RYR3: variants seen among roughly 807,000 people sequenced by gnomAD.
RYR3 encodes ryanodine receptor 3.
RYR3 carries 207 observed loss-of-function variants against 584.3 expected under a neutral mutation model. The ratio of observed to expected loss-of-function variants is 0.35; its 90% CI spans 0.32 to 0.40. The LOEUF is 0.40. Among genes scored for constraint, RYR3 ranks in the 10% least tolerant of loss-of-function variants. The pLI is 1.00. For synonymous variants in RYR3, 2,416 were observed against 2,248.5 expected, an observed-to-expected ratio of 1.07 and a Z score of -2.11; for missense variants, 5,616 against 6,089.2, an observed-to-expected ratio of 0.92 and a Z score of 2.59.
chr15:33,471,429 G>A (rs1056161615), intron 1 of RYR3, among the ~76,000 whole-genome samples: 1 of 152,054 alleles, frequency 6.6e-6, no homozygotes, highest in African/African-American at 2.4e-5. Flanking sequence ...ATAGGATGGG[G>A]AAATTTCAGA....
At chr15:33,673,910 T>C (rs2063998739) in intron 38 of RYR3, among the ~76,000 whole-genome samples, 1 of 152,148 alleles carries the variant, frequency 6.6e-6, no homozygotes. Flanking sequence ...CATGGCTGAG[T>C]CTTTCTGAAG....
intron 46 of RYR3, among the ~76,000 whole-genome samples, chr15:33,728,241 C>T (rs1371405010): frequency 2.6e-5 from 4 of 152,150 alleles, no homozygotes; most frequent in Non-Finnish European, 5.9e-5. Context: ...AATGTAATGT[C>T]ACTGAACACA....
intron 80 of RYR3, among the ~76,000 whole-genome samples, chr15:33,822,252 G>A (rs890322898): frequency 6.6e-6 from 1 of 152,136 alleles, no homozygotes; most frequent in African/African-American, 2.4e-5. Flanking sequence ...GGAACATACC[G>A]GTGTTTCTCA....
intron 1 of RYR3, among the ~76,000 whole-genome samples, chr15:33,324,910 T>C (rs1595717277): frequency 6.6e-6 from 1 of 152,208 alleles, no homozygotes. Context: ...CAGTGGCTTA[T>C]AGGATGCCAG....
At chr15:33,539,830 A>G (rs1193305295) in intron 6 of RYR3, among the ~76,000 whole-genome samples, 4 of 152,174 alleles carry the variant, frequency 2.6e-5, no homozygotes, top group African/African-American at 4.8e-5. Flanking sequence ...AAGAGAAAGT[A>G]TATATACTGT....
At chr15:33,511,210 C>CT (rs1214588613) in intron 3 of RYR3, among the ~76,000 whole-genome samples, 4 of 150,944 alleles carry the variant, frequency 2.6e-5, no homozygotes, top group Non-Finnish European at 4.4e-5. Flanking sequence ...TTGTTGATGA[C>CT]ATCAGCACTG....
At chr15:33,568,438 C>G (rs942226224) in intron 12 of RYR3, among the ~76,000 whole-genome samples, 2 of 151,964 alleles carry the variant, frequency 1.3e-5, no homozygotes, top group East Asian at 1.9e-4. Flanking sequence ...CAAAATTCAT[C>G]CTTTTAAATG....
At chr15:33,566,556 A>T in intron 11 of RYR3, 122 bp from the exon 12 acceptor site, 1 of 1,057,030 alleles carries the variant, frequency 9.5e-7, no homozygotes, top group East Asian at 2.4e-5. Context: ...CTCAAAATGG[A>T]CCCAAGAGAG....
intron 35 of RYR3, 82 bp downstream of exon 35, chr15:33,663,030 A>AT: frequency 7.7e-7 from 1 of 1,295,608 alleles, no homozygotes. Flanking sequence ...TGAGGATTAA[A>AT]GGAGGTAAGG....
intron 61 of RYR3, 103 bp from the exon 62 acceptor site, chr15:33,769,009 A>G (rs1273679178): frequency 1.2e-6 from 1 of 860,036 alleles, no homozygotes; most frequent in South Asian, 1.4e-5. Flanking sequence ...ATGTGTTGGT[A>G]GTTAATTACG....
intron 1 of RYR3, among the ~76,000 whole-genome samples, chr15:33,325,556 A>G (rs972813412): frequency 4.0e-5 from 6 of 151,858 alleles, no homozygotes; most frequent in African/African-American, 1.5e-4. Flanking sequence ...GCCTTCTGAT[A>G]TTTCTCCTTT....
chr15:33,518,269 A>C (rs945105106), intron 3 of RYR3, among the ~76,000 whole-genome samples: 1 of 152,220 alleles, frequency 6.6e-6, no homozygotes, highest in African/African-American at 2.4e-5. Flanking sequence ...CAGCAGCAAC[A>C]TTCTTTTCGG....
chr15:33,440,050 G>A (rs866242248), intron 1 of RYR3, among the ~76,000 whole-genome samples: 1 of 152,294 alleles, frequency 6.6e-6, no homozygotes, highest in Middle Eastern at 3.4e-3. Context: ...CACTTTGGGA[G>A]GCCAAGCTGG....
intron 19 of RYR3, among the ~76,000 whole-genome samples, chr15:33,617,600 C>T (rs898322442): frequency 7.9e-5 from 12 of 152,084 alleles, no homozygotes; most frequent in Non-Finnish European, 1.3e-4. Flanking sequence ...TTTTTAACTT[C>T]CGTATGGCTT....
At chr15:33,610,642 G>T (rs2060135697) in intron 18 of RYR3, among the ~76,000 whole-genome samples, 1 of 152,200 alleles carries the variant, frequency 6.6e-6, no homozygotes, top group African/African-American at 2.4e-5. Context: ...ACTTAGTTTA[G>T]AATCTGTTAT....
At position 33,857,931 on chromosome 15, in the gene RYR3, T is replaced by C. The variant is rs2079867122; in HGVS notation, c.14142+17T>C. 1.4e-6 allele frequency: 2 copies of C among 1,379,780 alleles called. No homozygotes were observed. The highest frequency in any genetic ancestry group is 1.9e-6 in the Non-Finnish European group (2 of 1,037,512). The allele number at this position is 1,379,780 out of a possible 1,614,324, so 85.5% of individuals were successfully genotyped here. On this transcript the variant is annotated intron_variant, in intron 99 of 103. Coordinates refer to ENST00000634891, the MANE Select transcript of RYR3 (RefSeq NM_001036.6). ...ATGATGACGGTGAGAGCCCACCCAC[T>C]GCGGGGCCAGCCCACCCACTGCGGG...
At chr15:33,584,253 G>T (rs1225217227) in intron 14 of RYR3, 142 bp from the exon 15 acceptor site, 1 of 533,362 alleles carries the variant, frequency 1.9e-6, no homozygotes, top group Non-Finnish European at 3.3e-6. Flanking sequence ...AGAAAGAATT[G>T]TGTCAAAGGG....
At chr15:33,442,799 A>C (rs769318612) in intron 1 of RYR3, among the ~76,000 whole-genome samples, 1 of 152,258 alleles carries the variant, frequency 6.6e-6, no homozygotes, top group Non-Finnish European at 1.5e-5. Context: ...TGGACAGCCA[A>C]AATAGATGCT....
Position 33,325,225 on chromosome 15 carries a change from C to T in RYR3, c.51+14129C>T, listed in dbSNP as rs1490631225. Among the ~76,000 whole-genome samples, 4 of 152,256 alleles carry T rather than the reference C, an allele frequency of 2.6e-5. No individual in the cohort carries two copies. In the South Asian group the frequency reaches 6.2e-4, roughly 24 times the overall value. On this transcript the variant is annotated intron_variant, in intron 1 of 103. Coordinates refer to ENST00000634891, the MANE Select transcript of RYR3 (RefSeq NM_001036.6). ...GTGCTTTTAAATCCTATAGTCTGTA[C>T]CAGATACAAACCAGTAACCACTCTA... is the stretch of plus-strand genomic sequence containing the variant.
Sources: gnomAD v4.1 joint callset for allele counts (sites outside exome capture counted in the v4.1 genomes callset) on GRCh38, gnomAD v4.1.1 for gene constraint, MANE v1.5 for transcripts, NCBI Gene and HGNC (gene_info 2026-07-23, HGNC 2026-07-21) for gene names.